CC2D2B: variants seen among roughly 807,000 people sequenced by gnomAD.
The protein encoded by CC2D2B is protein CC2D2B.
CC2D2B carries 128 observed loss-of-function variants against 161.2 expected under a neutral mutation model. The observed-to-expected ratio is 0.79, with a 90% CI of 0.69 to 0.92. CC2D2B has a LOEUF of 0.92. Ranked by LOEUF, CC2D2B falls within the 40% of genes least tolerant of loss-of-function variation. CC2D2B has a pLI of 0.00. For missense variants in CC2D2B, 1,173 were observed against 1,375.1 expected (o/e 0.85, Z 2.32); for synonymous variants, 391 against 449.8 (o/e 0.87, Z 1.65).
At chr10:95,924,918 C>T in intron 5 of CC2D2B, 74 bp downstream of exon 5, 1 of 903,436 alleles carries the variant, frequency 1.1e-6, no homozygotes, top group Non-Finnish European at 1.8e-6. Flanking sequence ...AAAACTTCAC[C>T]CATTTAAAGT....
chr10:96,014,944 A>G (rs1158465574), intron 29 of CC2D2B, among the ~76,000 whole-genome samples: 2 of 152,140 alleles, frequency 1.3e-5, no homozygotes, highest in African/African-American at 4.8e-5. Flanking sequence ...AAACATTGCA[A>G]TGCTTCCATA....
chr10:95,907,954 T>G (rs962874398), upstream of CC2D2B: 1 of 152,394 alleles, frequency 6.6e-6, no homozygotes, highest in Non-Finnish European at 1.5e-5. Flanking sequence ...GCCGTAGGGC[T>G]GGCGCAGGGT....
At chr10:95,958,243 G>C (rs904092869) in intron 11 of CC2D2B, among the ~76,000 whole-genome samples, 1 of 152,206 alleles carries the variant, frequency 6.6e-6, no homozygotes, top group Non-Finnish European at 1.5e-5. Context: ...TGTAATCCCA[G>C]CACTTTGAGA....
chr10:95,951,038 C>T (rs2076383587), intron 10 of CC2D2B, among the ~76,000 whole-genome samples: 1 of 152,032 alleles, frequency 6.6e-6, no homozygotes, highest in African/African-American at 2.4e-5. Flanking sequence ...GGGCTGTTCT[C>T]GAACTTCTGA....
At chr10:95,993,010 T>C (rs1311154178) in intron 22 of CC2D2B, 1 of 181,990 alleles carries the variant, frequency 5.5e-6, no homozygotes, top group Non-Finnish European at 1.2e-5. Flanking sequence ...ATTCTGAAGC[T>C]TCTGCTGCCA....
intron 33 of CC2D2B, among the ~76,000 whole-genome samples, chr10:96,025,258 C>T (rs1430174830): frequency 8.4e-6 from 1 of 118,682 alleles, no homozygotes; most frequent in Non-Finnish European, 1.7e-5. Context: ...ATCTCAGTGA[C>T]TAAGAGGGGG....
chr10:96,028,508 C>T (rs531147354), intron 34 of CC2D2B, among the ~76,000 whole-genome samples: 44 of 152,146 alleles, frequency 2.9e-4, no homozygotes, highest in Non-Finnish European at 4.7e-4. Flanking sequence ...AAAAGGAAAC[C>T]TTTGTACACC....
intron 2 of CC2D2B, chr10:95,921,246 G>A (rs191380552): frequency 1.4e-4 from 21 of 152,406 alleles, no homozygotes; most frequent in Admixed American, 1.2e-3. Flanking sequence ...CTCCCTCTGT[G>A]GGCGCTGGCC....
chr10:95,945,833 G>A (rs2076180225), intron 9 of CC2D2B, among the ~76,000 whole-genome samples: 1 of 138,686 alleles, frequency 7.2e-6, no homozygotes, highest in African/African-American at 2.7e-5. Flanking sequence ...TGCCCAGGCT[G>A]GAGTGCAATG....
intron 32 of CC2D2B, among the ~76,000 whole-genome samples, chr10:96,023,736 A>G (rs1424671925): frequency 6.6e-6 from 1 of 152,166 alleles, no homozygotes; most frequent in Admixed American, 6.5e-5. Flanking sequence ...GCCTGGGACC[A>G]TCTCTAATCC....
At chr10:95,926,934 C>T (rs2098540473) in intron 5 of CC2D2B, among the ~76,000 whole-genome samples, 1 of 150,924 alleles carries the variant, frequency 6.6e-6, no homozygotes, top group Admixed American at 6.7e-5. Context: ...CCACTGGAGC[C>T]AGCATTTTGG....
chr10:95,982,769 T>C (rs992663343), intron 18 of CC2D2B, among the ~76,000 whole-genome samples: 8 of 152,136 alleles, frequency 5.3e-5, no homozygotes, highest in African/African-American at 1.9e-4. Context: ...TGTTTTTTGT[T>C]GTTATTGTTG....
intron 18 of CC2D2B, among the ~76,000 whole-genome samples, chr10:95,982,720 T>G (rs1372083004): frequency 6.6e-6 from 1 of 152,186 alleles, no homozygotes; most frequent in African/African-American, 2.4e-5. Context: ...TCAACTCTTA[T>G]GACTCTAATT....
intron 5 of CC2D2B, among the ~76,000 whole-genome samples, chr10:95,925,669 T>C (rs1358850412): frequency 6.6e-6 from 1 of 152,230 alleles, no homozygotes; most frequent in Non-Finnish European, 1.5e-5. Context: ...TTCATTAAGA[T>C]AGAAGTTTCC....
chr10:95,950,811 T>A (rs766102234), intron 10 of CC2D2B, among the ~76,000 whole-genome samples: 1 of 152,116 alleles, frequency 6.6e-6, no homozygotes, highest in Non-Finnish European at 1.5e-5. Context: ...TGAACCTTCA[T>A]AAATATCTGC....
chr10:96,029,622 T>C (rs2141988653), intron 34 of CC2D2B, among the ~76,000 whole-genome samples: 1 of 152,032 alleles, frequency 6.6e-6, no homozygotes, highest in East Asian at 1.9e-4. Flanking sequence ...CAGTGGTCCC[T>C]TGGTATCATT....
At chr10:95,911,124 G>C (rs1312840000) in intron 1 of CC2D2B, 177 bp from the exon 2 acceptor site, 2 of 178,314 alleles carry the variant, frequency 1.1e-5, no homozygotes, top group East Asian at 1.7e-4. Flanking sequence ...CATTAACCGG[G>C]ATTTCTATTA....
intron 19 of CC2D2B, chr10:95,984,599 A>G (rs2077646905): frequency 6.6e-6 from 1 of 152,184 alleles, no homozygotes; most frequent in Non-Finnish European, 1.5e-5. Context: ...TTTTTCAGCC[A>G]GGTGCAGTGA....
intron 17 of CC2D2B, among the ~76,000 whole-genome samples, chr10:95,979,662 A>G (rs1590713878): frequency 6.6e-6 from 1 of 152,288 alleles, no homozygotes; most frequent in South Asian, 2.1e-4. Flanking sequence ...GTTCACAGGA[A>G]TGTTTATCTT....
Sources: allele counts gnomAD v4.1 joint callset (sites outside exome capture counted in the v4.1 genomes callset), GRCh38; gene constraint gnomAD v4.1.1; transcripts MANE v1.5; gene names NCBI Gene and HGNC (gene_info 2026-07-23, HGNC 2026-07-21).